Variants in BMP6 observed in about 807,000 individuals in gnomAD.
BMP6 encodes the protein bone morphogenetic protein 6, also known as VG-1-R.
Under a neutral mutation model 54.1 loss-of-function variants are expected in BMP6, and 17 were observed. The observed-to-expected ratio is 0.31, with a 90% confidence interval of 0.22 to 0.47. The LOEUF (loss-of-function observed/expected upper bound fraction) is 0.47. Among genes scored for constraint, BMP6 ranks in the 20% least tolerant of loss-of-function variants. BMP6 has a pLI of 1.00. For synonymous variants in BMP6, 328 were observed against 291.2 expected, an observed-to-expected ratio of 1.13 and a Z score of -1.28; for missense variants, 720 against 690.4, an observed-to-expected ratio of 1.04 and a Z score of -0.48.
At chr6:7,852,288 G>C (rs1027053269) in intron 2 of BMP6, among the ~76,000 whole-genome samples, 1 of 152,200 alleles carries the variant, frequency 6.6e-6, no homozygotes, top group Non-Finnish European at 1.5e-5. Context: ...TAAAAGTCTA[G>C]GATGCTGGGC....
chr6:7,874,593 A>G (rs573859709), intron 4 of BMP6, among the ~76,000 whole-genome samples: 2 of 152,206 alleles, frequency 1.3e-5, no homozygotes, highest in South Asian at 4.2e-4. Context: ...CCATCTATAC[A>G]AAGTATTTAA....
intron 2 of BMP6, among the ~76,000 whole-genome samples, chr6:7,850,474 C>T (rs1759125568): frequency 6.6e-6 from 1 of 152,186 alleles, no homozygotes; most frequent in African/African-American, 2.4e-5. Context: ...TTTCCTCAGG[C>T]AAGCACAGGA....
Position 7,813,132 on chromosome 6 carries a change from T to A in BMP6, c.665-32008T>A, listed in dbSNP as rs867117802. ...AAATATATATATATATATATATATA[T>A]ATATATATATATATATAAAATTAGT... is the stretch of plus-strand genomic sequence containing the variant. On this transcript the variant is annotated intron_variant, in intron 1 of 6. Coordinates refer to ENST00000283147, the MANE Select transcript of BMP6 (RefSeq NM_001718.6). Among the ~76,000 whole-genome samples the A allele has an allele frequency of 5.4e-3, 444 of 82,530 alleles. 37 individuals carry two copies. Among genetic ancestry groups the A allele is most frequent in the African/African-American group, 0.015 (267 of 17,516 alleles). The allele number at this position is 82,530 out of a possible 152,430, so 54.1% of individuals were successfully genotyped here. A position where few individuals can be genotyped will look rare whatever the true frequency, so the allele number is the denominator to read the frequency against.
intron 1 of BMP6, among the ~76,000 whole-genome samples, chr6:7,768,284 G>A (rs1471610880): frequency 1.3e-5 from 2 of 152,178 alleles, no homozygotes; most frequent in South Asian, 2.1e-4. Flanking sequence ...AGTAAAACTT[G>A]TGAAAGCATG....
At chr6:7,859,363 A>G (rs1480160806) in intron 2 of BMP6, among the ~76,000 whole-genome samples, 2 of 152,034 alleles carry the variant, frequency 1.3e-5, no homozygotes, top group Non-Finnish European at 2.9e-5. Flanking sequence ...TTTAAAATGT[A>G]GGTGCCTAAT....
Position 7,845,204 on chromosome 6 carries a change from C to T in BMP6, c.729C>T (p.Ser243=), listed in dbSNP as rs1447465584. Residue 243 remains serine (S), a synonymous_variant, in exon 2 of 7, where the codon TCC becomes TCT. Coordinates refer to ENST00000283147, the MANE Select transcript of BMP6 (RefSeq NM_001718.6). The part of the protein sequence containing the change: ...RHHKEFKFNL[S]QIPEGEVVTA... ...ACAAAGAGTTCAAGTTCAACTTATC[C>T]CAGATTCCTGAGGGTGAGGTGGTGA... 3 of 1,614,026 alleles carry T rather than the reference C, an allele frequency of 1.9e-6. No individual in the cohort carries two copies. The highest frequency in any genetic ancestry group is 2.5e-6 in the Non-Finnish European group (3 of 1,179,994).
chr6:7,759,761 T>A (rs1404184564), intron 1 of BMP6, among the ~76,000 whole-genome samples: 2 of 123,776 alleles, frequency 1.6e-5, no homozygotes, highest in Admixed American at 1.1e-4. Flanking sequence ...TGGAGTGCGG[T>A]GGCACAATCT....
At chr6:7,867,695 G>A (rs939930099) in intron 4 of BMP6, among the ~76,000 whole-genome samples, 1 of 152,304 alleles carries the variant, frequency 6.6e-6, no homozygotes, top group Non-Finnish European at 1.5e-5. Context: ...AGTAGAGTTT[G>A]GTTCAGGGCT....
intron 1 of BMP6, among the ~76,000 whole-genome samples, chr6:7,809,197 T>G (rs1338543224): frequency 1.3e-5 from 2 of 151,108 alleles, no homozygotes; most frequent in Non-Finnish European, 2.9e-5. Flanking sequence ...GGCTGGAGTT[T>G]ATTTAAGTGG....
intron 1 of BMP6, among the ~76,000 whole-genome samples, chr6:7,828,719 C>G (rs1045228743): frequency 2.6e-5 from 4 of 152,246 alleles, no homozygotes; most frequent in Admixed American, 1.3e-4. Context: ...CTTGCCTTCC[C>G]TTGTGGGGCA....
intron 1 of BMP6, among the ~76,000 whole-genome samples, chr6:7,832,697 G>A (rs1004022686): frequency 2.0e-5 from 3 of 149,862 alleles, no homozygotes; most frequent in Admixed American, 1.3e-4. Flanking sequence ...TTAGATATAA[G>A]AACACTGATG....
chr6:7,860,773 A>G (rs141639848), intron 2 of BMP6, among the ~76,000 whole-genome samples: 16 of 152,330 alleles, frequency 1.1e-4, no homozygotes, highest in African/African-American at 3.8e-4. Context: ...GTAGATGATT[A>G]CTTAGGCATG....
intron 1 of BMP6, among the ~76,000 whole-genome samples, chr6:7,827,620 A>G (rs1274956222): frequency 6.6e-6 from 1 of 152,204 alleles, no homozygotes; most frequent in Non-Finnish European, 1.5e-5. Flanking sequence ...CAGAGCAACA[A>G]ATCCAAGATT....
chr6:7,822,765 T>C (rs77281850), intron 1 of BMP6, among the ~76,000 whole-genome samples: 2,296 of 152,248 alleles, frequency 0.015, 52 homozygotes, highest in African/African-American at 0.05. Context: ...GATGAGACTT[T>C]CAAAAACCTG....
chr6:7,844,607 C>CCCTTCCCCACCCGCAG (rs1227649941), intron 1 of BMP6, among the ~76,000 whole-genome samples: 1 of 152,148 alleles, frequency 6.6e-6, no homozygotes, highest in Non-Finnish European at 1.5e-5. Context: ...TTGCCCACCC[C>CCCTTCCCCACCCGCAG]CCTTCCCCAC....
At position 7,880,280 on chromosome 6, in the gene BMP6, C is replaced by G. The variant is rs748172650; in HGVS notation, c.1479C>G (p.Asp493Glu). Residue 493 changes from aspartate to glutamate, a missense_variant, in exon 7 of 7, where the codon GAC (aspartate) becomes GAG (glutamate). Physicochemically the swap from Asp to Glu is conservative, Grantham distance 45 (BLOSUM62 2). Around this residue, in one of 3 missense-constraint regions of BMP6, gnomAD observed 43 missense variants for 54.0 expected, o/e 0.80. Coordinates refer to ENST00000283147, the MANE Select transcript of BMP6 (RefSeq NM_001718.6). ...CCATCTCGGTTCTTTACTTTGATGACAACTCCAATGTCATTCTGAAAAAAT... is the reference window on the plus strand; with the variant it reads ...CCATCTCGGTTCTTTACTTTGATGAGAACTCCAATGTCATTCTGAAAAAAT... ...LNAISVLYFDDNSNVILKKYR... is the reference protein window; with the variant it reads ...LNAISVLYFDENSNVILKKYR... The G allele has an allele frequency of 3.7e-6, 6 of 1,614,030 alleles. No individual in the cohort carries two copies. Among genetic ancestry groups the G allele is most frequent in the South Asian group, 1.1e-5 (1 of 91,084 alleles).
At chr6:7,879,194 T>A in intron 5 of BMP6, 44 bp downstream of exon 5, 1 of 1,557,394 alleles carries the variant, frequency 6.4e-7, no homozygotes, top group Non-Finnish European at 8.9e-7. Context: ...TTCTCAGCAG[T>A]TTACTCTCAT....
intron 1 of BMP6, among the ~76,000 whole-genome samples, chr6:7,787,692 C>T (rs1380245800): frequency 6.6e-6 from 1 of 152,174 alleles, no homozygotes; most frequent in Admixed American, 6.5e-5. Context: ...AGCATATTTG[C>T]GTGTTAGGTT....
At position 7,861,584 on chromosome 6, in the gene BMP6, G is replaced by C. The variant is rs781335360; in HGVS notation, c.991G>C (p.Val331Leu). The C allele has an allele frequency of 6.2e-7, 1 of 1,614,154 alleles. No individual in the cohort carries two copies. Among genetic ancestry groups the C allele is most frequent in the Non-Finnish European group, 8.5e-7 (1 of 1,180,024 alleles). Reference sequence around the variant, plus strand: ...GCATAACATGGGGCTTCAGCTGAGCGTGGTGACAAGGGATGGTAAGTTATT... The same window carrying C: ...GCATAACATGGGGCTTCAGCTGAGCCTGGTGACAAGGGATGGTAAGTTATT... ...PQHNMGLQLSVVTRDGVHVHP... is the reference protein window; with the variant it reads ...PQHNMGLQLSLVTRDGVHVHP... Residue 331 changes from valine (V) to leucine (L), a missense_variant, in exon 3 of 7, where the codon GTG becomes CTG. Val to Leu is a conservative substitution (Grantham distance 32, BLOSUM62 1). This residue lies in a region of BMP6 where 650 missense variants were observed against 556.3 expected (regional missense o/e 1.17). Coordinates refer to ENST00000283147, the MANE Select transcript of BMP6 (RefSeq NM_001718.6).
Sources: allele counts gnomAD v4.1 joint callset (sites outside exome capture counted in the v4.1 genomes callset), GRCh38; gene constraint gnomAD v4.1.1; regional missense constraint gnomAD v4.1.1; transcripts MANE v1.5; gene names NCBI Gene and HGNC (gene_info 2026-07-23, HGNC 2026-07-21).